The following NIPAL2 variants were observed in gnomAD, a reference collection of about 807,000 sequenced individuals.
The protein encoded by NIPAL2 is NIPA-like protein 2.
Under a neutral mutation model 48.9 loss-of-function variants are expected in NIPAL2, and 43 were observed. The ratio of observed to expected loss-of-function variants is 0.88; its 90% confidence interval spans 0.69 to 1.13. NIPAL2 has a LOEUF of 1.13. Among genes scored for constraint, NIPAL2 ranks in the 50% most tolerant of loss-of-function variants. The pLI, the probability that NIPAL2 is intolerant of heterozygous loss-of-function variation, is 0.00. For synonymous variants in NIPAL2, 167 were observed against 174.6 expected (o/e 0.96, Z 0.34); for missense variants, 446 against 461.4 (o/e 0.97, Z 0.31).
At chr8:98,259,100 G>A (rs1461195370) in intron 1 of NIPAL2, among the ~76,000 whole-genome samples, 4 of 72,040 alleles carry the variant, frequency 5.6e-5, no homozygotes, top group Non-Finnish European at 9.9e-5. Flanking sequence ...TTTTTGAGAC[G>A]GAGTTTCGCT....
At chr8:98,280,753 T>TAGAGAGAGAG (rs1270897782) in intron 1 of NIPAL2, among the ~76,000 whole-genome samples, 6 of 38,128 alleles carry the variant, frequency 1.6e-4, no homozygotes, top group South Asian at 8.4e-4. Flanking sequence ...TATATATATA[T>TAGAGAGAGAG]ATATATATAG....
chr8:98,289,225 T>C (rs1241698252), intron 1 of NIPAL2, among the ~76,000 whole-genome samples: 2 of 152,220 alleles, frequency 1.3e-5, no homozygotes, highest in Admixed American at 1.3e-4. Flanking sequence ...TATAAATGAT[T>C]TTTTAAGAAA....
At chr8:98,197,373 A>G (rs896379344) in intron 8 of NIPAL2, among the ~76,000 whole-genome samples, 5 of 152,170 alleles carry the variant, frequency 3.3e-5, no homozygotes, top group African/African-American at 9.7e-5. Context: ...AGTGAGTCCT[A>G]TCTTTTTGCT....
At chr8:98,253,323 C>T (rs1415629898) in intron 2 of NIPAL2, among the ~76,000 whole-genome samples, 1 of 152,012 alleles carries the variant, frequency 6.6e-6, no homozygotes, top group Non-Finnish European at 1.5e-5. Context: ...AGGGAATTAC[C>T]ATATAACATC....
At chr8:98,266,121 G>C (rs1305095575) in intron 1 of NIPAL2, among the ~76,000 whole-genome samples, 1 of 122,542 alleles carries the variant, frequency 8.2e-6, no homozygotes, top group Non-Finnish European at 1.7e-5. Flanking sequence ...ATCACACTCT[G>C]GGGACTGTTG....
intron 3 of NIPAL2, among the ~76,000 whole-genome samples, chr8:98,247,268 C>T (rs1331127762): frequency 6.6e-6 from 1 of 152,176 alleles, no homozygotes; most frequent in African/African-American, 2.4e-5. Flanking sequence ...CAAATTTGAA[C>T]CAATTCTGCA....
At chr8:98,217,802 T>C (rs1430377322) in intron 5 of NIPAL2, among the ~76,000 whole-genome samples, 1 of 152,232 alleles carries the variant, frequency 6.6e-6, no homozygotes, top group Admixed American at 6.5e-5. Flanking sequence ...ATTTACATTT[T>C]TCTCTGTGGC....
intron 5 of NIPAL2, among the ~76,000 whole-genome samples, chr8:98,214,180 T>G (rs1586321022): frequency 7.2e-6 from 1 of 138,924 alleles, no homozygotes; most frequent in African/African-American, 2.7e-5. Context: ...TTTTTTTTTT[T>G]TGAGATGGAG....
intron 4 of NIPAL2, among the ~76,000 whole-genome samples, chr8:98,233,194 G>A (rs1458960005): frequency 6.6e-6 from 1 of 152,002 alleles, no homozygotes; most frequent in Non-Finnish European, 1.5e-5. Context: ...GGAGGTGGAG[G>A]TTGCAGTAAG....
rs561658266 is a variant in NIPAL2 at position 98,288,309 on chromosome 8, C to T, written c.135+5694G>A. On this transcript the variant is annotated intron_variant, in intron 1 of 10. Transcript: ENST00000430223. ...TGTGGTGTTTGGTTTTTTGTTCTTGCGATAGTTTACTGAGAATGATGATTT... is the reference window on the plus strand; with the variant it reads ...TGTGGTGTTTGGTTTTTTGTTCTTGTGATAGTTTACTGAGAATGATGATTT... Among the ~76,000 whole-genome samples, 813 of 148,342 alleles carry T rather than the reference C, an allele frequency of 5.5e-3. 5 individuals are homozygous for T. Among genetic ancestry groups the T allele is most frequent in the African/African-American group, 0.017 (690 of 40,288 alleles).
At chr8:98,222,214 T>C (rs1050370391) in intron 5 of NIPAL2, among the ~76,000 whole-genome samples, 1 of 152,236 alleles carries the variant, frequency 6.6e-6, no homozygotes, top group Non-Finnish European at 1.5e-5. Context: ...TGTTTTTTTT[T>C]ACTCTGAGTT....
chr8:98,286,830 A>AAAAC (rs1563559968), intron 1 of NIPAL2, among the ~76,000 whole-genome samples: 3 of 127,574 alleles, frequency 2.4e-5, no homozygotes, highest in Non-Finnish European at 3.5e-5. Flanking sequence ...AAAAAAAAAA[A>AAAAC]AAAACCAAAA....
chr8:98,229,017 C>T (rs1430910947), intron 4 of NIPAL2, among the ~76,000 whole-genome samples: 1 of 152,172 alleles, frequency 6.6e-6, no homozygotes, highest in African/African-American at 2.4e-5. Context: ...GTCCCAAGAT[C>T]TGGATATTGG....
At chr8:98,286,367 T>A (rs904776306) in intron 1 of NIPAL2, among the ~76,000 whole-genome samples, 1 of 152,182 alleles carries the variant, frequency 6.6e-6, no homozygotes, top group Non-Finnish European at 1.5e-5. Context: ...TGGTATGACC[T>A]GCCAAGCTCA....
chr8:98,202,324 C>T (rs1287130117), intron 8 of NIPAL2, among the ~76,000 whole-genome samples: 3 of 152,062 alleles, frequency 2.0e-5, no homozygotes, highest in Non-Finnish European at 4.4e-5. Context: ...CATGTATGGC[C>T]CAGAGACAAG....
intron 4 of NIPAL2, among the ~76,000 whole-genome samples, chr8:98,228,331 T>C (rs1208451933): frequency 6.6e-6 from 1 of 152,162 alleles, no homozygotes; most frequent in Non-Finnish European, 1.5e-5. Flanking sequence ...CTTTGTCTGG[T>C]CATGTAAGAT....
chr8:98,214,687 T>C (rs1268951270), intron 5 of NIPAL2, among the ~76,000 whole-genome samples: 3 of 152,226 alleles, frequency 2.0e-5, no homozygotes, highest in African/African-American at 4.8e-5. Flanking sequence ...GGTTTGTTTT[T>C]TTCTCTAATC....
At chr8:98,215,014 A>G (rs1277756420) in intron 5 of NIPAL2, among the ~76,000 whole-genome samples, 8 of 152,156 alleles carry the variant, frequency 5.3e-5, no homozygotes, top group African/African-American at 1.9e-4. Flanking sequence ...ACAGGCTTCC[A>G]TTTCTCGCAT....
intron 1 of NIPAL2, among the ~76,000 whole-genome samples, chr8:98,266,777 A>G (rs770272277): frequency 3.2e-4 from 47 of 147,964 alleles, no homozygotes; most frequent in Non-Finnish European, 6.3e-4. Flanking sequence ...TGTAAATGCT[A>G]AAAAAAAAAT....
Sources: allele counts gnomAD v4.1 joint callset (sites outside exome capture counted in the v4.1 genomes callset), GRCh38; gene constraint gnomAD v4.1.1; transcripts MANE v1.5; gene names NCBI Gene and HGNC (gene_info 2026-07-23, HGNC 2026-07-21).